Variants in SPPL3 observed in about 807,000 individuals in gnomAD.
SPPL3 encodes the protein signal peptide peptidase like 3.
A neutral mutation model predicts 42.4 loss-of-function variants in SPPL3; 5 were observed. That is an observed-to-expected ratio of 0.12 (90% confidence interval 0.06 to 0.25). The LOEUF is 0.25. Ranked by LOEUF, SPPL3 falls within the 10% of genes least tolerant of loss-of-function variation. The probability of loss-of-function intolerance (pLI) is 1.00; values close to 1 mark genes in which losing one functional copy is unlikely to be tolerated. For synonymous variants in SPPL3, 195 were observed against 181.8 expected, an observed-to-expected ratio of 1.07 and a Z score of -0.58; for missense variants, 235 against 489.0, an observed-to-expected ratio of 0.48 and a Z score of 4.90.
chr12:120,784,019 C>T (rs1317120603), intron 4 of SPPL3, among the ~76,000 whole-genome samples: 1 of 152,038 alleles, frequency 6.6e-6, no homozygotes, highest in Non-Finnish European at 1.5e-5. Flanking sequence ...AGCATTTTGC[C>T]GATTTTTTTT....
chr12:120,779,669 G>A (rs942759427), intron 6 of SPPL3, among the ~76,000 whole-genome samples: 10 of 152,114 alleles, frequency 6.6e-5, no homozygotes, highest in Admixed American at 6.5e-5. Context: ...GGAAATGTAA[G>A]GACTGCATAT....
At chr12:120,844,261 A>G (rs75821395) in intron 1 of SPPL3, among the ~76,000 whole-genome samples, 13,439 of 152,168 alleles carry the variant, frequency 0.088, 1,743 homozygotes, top group African/African-American at 0.29. Flanking sequence ...CCATACCTCC[A>G]AAACATAGCC....
chr12:120,800,955 C>T (rs887246583), intron 2 of SPPL3, among the ~76,000 whole-genome samples: 2 of 152,218 alleles, frequency 1.3e-5, no homozygotes, highest in Admixed American at 6.5e-5. Context: ...CAAATTCCAG[C>T]TTATGCCTGC....
rs766743406 is a variant in SPPL3 at position 120,806,844 on chromosome 12, T to TA, written c.101+3964dup. On this transcript the variant is annotated intron_variant, in intron 2 of 10. Coordinates refer to ENST00000353487, the MANE Select transcript of SPPL3 (RefSeq NM_139015.5). ...CCTGGGCGACAGAGCGAGACTCCAT[T>TA]AAAAAAAAAAAAGAAAGAAAGAAAG... Among the ~76,000 whole-genome samples the TA allele has an allele frequency of 6.7e-3, 481 of 71,934 alleles. 2 individuals carry two copies. The highest frequency in any genetic ancestry group is 0.032 in the African/African-American group (446 of 13,954). 47.2% of individuals were successfully genotyped at this position (71,934 alleles called of 152,430 possible). A position where few individuals can be genotyped will look rare whatever the true frequency, so the allele number is the denominator to read the frequency against.
chr12:120,876,178 C>A (rs1189377231), intron 1 of SPPL3, among the ~76,000 whole-genome samples: 1 of 152,122 alleles, frequency 6.6e-6, no homozygotes, highest in African/African-American at 2.4e-5. Flanking sequence ...ACACAACCTC[C>A]ATCCCTCAAT....
At position 120,810,883 on chromosome 12, in the gene SPPL3, G is replaced by C; in HGVS notation, c.27C>G (p.Ala9=). The change falls in exon 2 of 11, where the codon GCC becomes GCG. Residue 9 remains alanine, a synonymous_variant. Coordinates refer to ENST00000353487, the MANE Select transcript of SPPL3 (RefSeq NM_139015.5). ...CTTGACTGGAATCCACCAGGGAATA[G>C]GCCCTAGAGAAATAAGAGGAAAAAA... MAEQTYSW[A]YSLVDSSQVS... The C allele has an allele frequency of 1.9e-6, 3 of 1,612,258 alleles. No homozygotes were observed. Among genetic ancestry groups the C allele is most frequent in the Non-Finnish European group, 2.5e-6 (3 of 1,178,552 alleles).
At chr12:120,839,203 T>C (rs1215613298) in intron 1 of SPPL3, among the ~76,000 whole-genome samples, 1 of 151,596 alleles carries the variant, frequency 6.6e-6, no homozygotes, top group African/African-American at 2.4e-5. Flanking sequence ...TTCATGTCCT[T>C]TGTAGGGACA....
intron 6 of SPPL3, among the ~76,000 whole-genome samples, chr12:120,778,261 C>T (rs1869404223): frequency 6.6e-6 from 1 of 151,642 alleles, no homozygotes; most frequent in South Asian, 2.1e-4. Flanking sequence ...GGATTACAGG[C>T]GCACACCACC....
intron 1 of SPPL3, among the ~76,000 whole-genome samples, chr12:120,817,475 ATT>A: frequency 6.6e-6 from 1 of 152,126 alleles, no homozygotes; most frequent in Non-Finnish European, 1.5e-5. Flanking sequence ...ATCACCCAAT[ATT>A]TACAGATTTA....
rs116327756 is a variant in SPPL3, at chr12:120,801,996, A to G, written c.101+8813T>C. Reference sequence around the variant, plus strand: ...ATATTAATATTCTGTGAGTGCCTTAATAAGATTTTAGTGTGGCTGAGGTAG... The same window carrying G: ...ATATTAATATTCTGTGAGTGCCTTAGTAAGATTTTAGTGTGGCTGAGGTAG... On this transcript the variant is annotated intron_variant, in intron 2 of 10. Coordinates refer to ENST00000353487, the MANE Select transcript of SPPL3 (RefSeq NM_139015.5). 5.3e-3 allele frequency among the ~76,000 whole-genome samples: 800 copies of G among 152,320 alleles called. 14 individuals carry two copies. The highest frequency in any genetic ancestry group is 0.018 in the African/African-American group (756 of 41,560).
chr12:120,867,359 G>A (rs1179364345), intron 1 of SPPL3, among the ~76,000 whole-genome samples: 1 of 152,094 alleles, frequency 6.6e-6, no homozygotes, highest in African/African-American at 2.4e-5. Context: ...GAACTACAAA[G>A]GACCATCAAA....
intron 1 of SPPL3, among the ~76,000 whole-genome samples, chr12:120,869,287 T>G (rs1368270137): frequency 6.6e-6 from 1 of 152,224 alleles, no homozygotes; most frequent in Admixed American, 6.5e-5. Context: ...GGCAAACTCT[T>G]GGTAAAGCCT....
chr12:120,820,833 C>T (rs907428920), intron 1 of SPPL3, among the ~76,000 whole-genome samples: 1 of 151,924 alleles, frequency 6.6e-6, no homozygotes, highest in Middle Eastern at 3.2e-3. Context: ...TGGCTCACGC[C>T]TGTAATCCCA....
intron 1 of SPPL3, chr12:120,835,400 T>C (rs1259290287): frequency 1.3e-5 from 2 of 152,242 alleles, no homozygotes; most frequent in African/African-American, 2.4e-5. Flanking sequence ...TCAAGAAATC[T>C]AGGCAAGCTT....
intron 1 of SPPL3, among the ~76,000 whole-genome samples, chr12:120,876,826 C>T (rs565041021): frequency 0.013 from 1,978 of 151,076 alleles, 28 homozygotes; most frequent in Non-Finnish European, 0.02. Context: ...CACACACACA[C>T]ACACACACAC....
chr12:120,786,610 A>G (rs1869729622), intron 3 of SPPL3, among the ~76,000 whole-genome samples: 1 of 152,214 alleles, frequency 6.6e-6, no homozygotes, highest in Admixed American at 6.5e-5. Flanking sequence ...GCGAAACTGA[A>G]TACAAAGGAC....
At chr12:120,806,562 A>G (rs150870057) in intron 2 of SPPL3, among the ~76,000 whole-genome samples, 1 of 152,298 alleles carries the variant, frequency 6.6e-6, no homozygotes, top group East Asian at 1.9e-4. Context: ...AAGAAAACGT[A>G]GGAGAGCCAG....
chr12:120,823,489 A>T (rs759273793), intron 1 of SPPL3, among the ~76,000 whole-genome samples: 6 of 152,030 alleles, frequency 3.9e-5, no homozygotes, highest in Non-Finnish European at 8.8e-5. Context: ...AACAGTAGCC[A>T]CTTCCTTTTC....
At chr12:120,903,606 G>A in intron 1 of SPPL3, 1 of 467,130 alleles carries the variant, frequency 2.1e-6, no homozygotes, top group Non-Finnish European at 3.8e-6. Flanking sequence ...ATAGCCAGAT[G>A]ACATCCGCCG....
Sources: allele counts gnomAD v4.1 joint callset (sites outside exome capture counted in the v4.1 genomes callset), GRCh38; gene constraint gnomAD v4.1.1; transcripts MANE v1.5; gene names NCBI Gene and HGNC (gene_info 2026-07-23, HGNC 2026-07-21).